Variants in RAB33B observed in about 807,000 individuals in gnomAD.
RAB33B encodes RAB33B, member RAS oncogene family, also known as ras-related protein Rab-33B.
In RAB33B, 6 loss-of-function variants were observed where a neutral mutation model predicts 15.0. That is an observed-to-expected ratio of 0.40 (90% CI 0.22 to 0.79). RAB33B has a LOEUF of 0.79. RAB33B is among the 30% of genes least tolerant of loss of function. RAB33B has a pLI of 0.37. For synonymous variants in RAB33B, 117 were observed against 108.3 expected, an observed-to-expected ratio of 1.08 and a Z score of -0.50; for missense variants, 257 against 296.4, an observed-to-expected ratio of 0.87 and a Z score of 0.98.
chr4:139,450,320 A>G (rs1749894331), upstream of RAB33B: 2 of 152,240 alleles, frequency 1.3e-5, no homozygotes, highest in Admixed American at 6.5e-5. Context: ...ACACAGTGAT[A>G]TAGTAATTTG....
At chr4:139,463,542 T>A (rs1271924290) in intron 1 of RAB33B, among the ~76,000 whole-genome samples, 10 of 152,250 alleles carry the variant, frequency 6.6e-5, no homozygotes, top group Non-Finnish European at 1.0e-4. Flanking sequence ...TTGGGAAAAA[T>A]TTCTCTGAAA....
At chr4:139,446,714 G>A in the RAB33B span, among the ~76,000 whole-genome samples, 29 of 152,298 alleles carry the variant, frequency 1.9e-4, no homozygotes, top group African/African-American at 5.1e-4. Context: ...CCCCAGTTAC[G>A]CCTGTCATTG....
upstream of RAB33B, chr4:139,453,569 GCCGATGCCACAT>G (rs1392994829): frequency 6.6e-6 from 1 of 152,414 alleles, no homozygotes; most frequent in African/African-American, 2.4e-5. Flanking sequence ...GGTGAGCGCA[GCCGATGCCACAT>G]CCTCAGCGGC....
At chr4:139,439,074 G>A in the RAB33B span, among the ~76,000 whole-genome samples, 181 of 152,136 alleles carry the variant, frequency 1.2e-3, no homozygotes, top group Non-Finnish European at 1.8e-3. Flanking sequence ...GGGCAGTGGC[G>A]CAATCTTAGC....
At chr4:139,472,534 C>G in intron 1 of RAB33B, 152 bp from the exon 2 acceptor site, 1 of 551,022 alleles carries the variant, frequency 1.8e-6, no homozygotes. Context: ...AAGTCTGGAT[C>G]CCATAGGTAA....
intron 1 of RAB33B, among the ~76,000 whole-genome samples, chr4:139,457,785 T>C (rs1042213085): frequency 6.6e-6 from 1 of 152,190 alleles, no homozygotes; most frequent in Non-Finnish European, 1.5e-5. Context: ...AGGGAAAATA[T>C]CAAGATTTCA....
chr4:139,453,057 T>C (rs770681957), upstream of RAB33B: 13 of 152,232 alleles, frequency 8.5e-5, no homozygotes, highest in African/African-American at 1.9e-4. Flanking sequence ...GTTTAATCTA[T>C]TGATATTTTC....
chr4:139,449,189 T>A (rs1379295224), upstream of RAB33B: 1 of 152,258 alleles, frequency 6.6e-6, no homozygotes, highest in African/African-American at 2.4e-5. Context: ...TAAGATTTAC[T>A]TCATATCAGC....
the RAB33B span, among the ~76,000 whole-genome samples, chr4:139,443,973 A>C: frequency 6.6e-6 from 1 of 152,166 alleles, no homozygotes; most frequent in African/African-American, 2.4e-5. Context: ...ACAAGACTAA[A>C]GTCCCGGCAG....
chr4:139,454,134 C>T lies in RAB33B; in HGVS notation c.-62C>T. On this transcript the variant is annotated 5_prime_UTR_variant, in exon 1 of 2. Transcript: ENST00000305626. ...GGCTGGGCGCGCGCTCTTGCGGTGGCGTAATCTCTCAGCCTTTCTGTGTCT... is the reference window on the plus strand; with the variant it reads ...GGCTGGGCGCGCGCTCTTGCGGTGGTGTAATCTCTCAGCCTTTCTGTGTCT... 3 of 1,531,894 alleles carry T rather than the reference C, an allele frequency of 2.0e-6. No individual in the cohort carries two copies. Among genetic ancestry groups the T allele is most frequent in the Non-Finnish European group, 2.6e-6 (3 of 1,139,238 alleles). 94.9% of individuals were successfully genotyped at this position (1,531,894 alleles called of 1,614,324 possible). A position where few individuals can be genotyped will look rare whatever the true frequency, so the allele number is the denominator to read the frequency against.
chr4:139,447,330 T>A, the RAB33B span, among the ~76,000 whole-genome samples: 2 of 152,172 alleles, frequency 1.3e-5, no homozygotes, highest in Non-Finnish European at 2.9e-5. Flanking sequence ...GTCCAATATA[T>A]GATACTATTT....
chr4:139,462,168 C>G (rs927035796), intron 1 of RAB33B, among the ~76,000 whole-genome samples: 1 of 151,612 alleles, frequency 6.6e-6, no homozygotes, highest in Non-Finnish European at 1.5e-5. Context: ...ATTCTCCTGC[C>G]TCAGCCTGCC....
chr4:139,467,308 C>CTTTTTTT lies in RAB33B; in HGVS notation c.250-5355_250-5349dup, dbSNP rs70943422. 2.7e-3 allele frequency among the ~76,000 whole-genome samples: 48 copies of CTTTTTTT among 17,622 alleles called. 5 individuals carry two copies. Among genetic ancestry groups the CTTTTTTT allele is most frequent in the African/African-American group, 4.9e-3 (43 of 8,858 alleles). The allele number at this position is 17,622 out of a possible 152,430, so 11.6% of individuals were successfully genotyped here. Reference sequence around the variant, plus strand: ...TCTTTCCCCACCACGCCCCCCGCCGCTTTTTTTTTTTTTTTTTTTTTTTTT... The same window carrying CTTTTTTT: ...TCTTTCCCCACCACGCCCCCCGCCGCTTTTTTTTTTTTTTTTTTTTTTTTTTTTTTTT... On this transcript the variant is annotated intron_variant, in intron 1 of 1. Coordinates refer to ENST00000305626, the MANE Select transcript of RAB33B (RefSeq NM_031296.3).
chr4:139,445,956 G>A, the RAB33B span, among the ~76,000 whole-genome samples: 3 of 152,128 alleles, frequency 2.0e-5, no homozygotes, highest in Admixed American at 6.5e-5. Context: ...GGGCTTTGGC[G>A]GAAACGGAAC....
chr4:139,459,319 C>G (rs575582910), intron 1 of RAB33B, among the ~76,000 whole-genome samples: 1 of 152,088 alleles, frequency 6.6e-6, no homozygotes, highest in African/African-American at 2.4e-5. Context: ...TACCTGCAGT[C>G]CCCGCTGCTC....
intron 1 of RAB33B, among the ~76,000 whole-genome samples, chr4:139,472,129 A>G (rs999560421): frequency 6.6e-6 from 1 of 152,184 alleles, no homozygotes; most frequent in Non-Finnish European, 1.5e-5. Context: ...TTTGACATCT[A>G]TAGTTTTAAG....
At position 139,473,902 on chromosome 4, in the gene RAB33B, CTTTTTTTTTTTT is replaced by C. The variant is rs10604111; in HGVS notation, c.*786_*797del. The C allele has an allele frequency of 7.1e-5, 8 of 112,806 alleles. No individual in the cohort carries two copies. Among genetic ancestry groups the C allele is most frequent in the Non-Finnish European group, 1.3e-4 (7 of 55,700 alleles). The allele number at this position is 112,806 out of a possible 1,614,324, so 7.0% of individuals were successfully genotyped here. ...AAGAGTTATTTGAGTTTCTTTCTTT[CTTTTTTTTTTTT>C]TTTTTTTTTGAGATGGAGTCTCGCT... On this transcript the variant is annotated 3_prime_UTR_variant, in exon 2 of 2. Transcript: ENST00000305626.
chr4:139,441,576 T>G, the RAB33B span, among the ~76,000 whole-genome samples: 1 of 152,326 alleles, frequency 6.6e-6, no homozygotes, highest in Middle Eastern at 3.4e-3. Context: ...TACAGATGGT[T>G]CCTTGATTTA....
upstream of RAB33B, chr4:139,452,385 CAA>C (rs1020339452): frequency 2.0e-5 from 3 of 152,154 alleles, no homozygotes; most frequent in African/African-American, 7.2e-5. Context: ...GTCCAGAATA[CAA>C]AAAACAGGGA....
Sources: gnomAD v4.1 joint callset for allele counts (sites outside exome capture counted in the v4.1 genomes callset) on GRCh38, gnomAD v4.1.1 for gene constraint, MANE v1.5 for transcripts, NCBI Gene and HGNC (gene_info 2026-07-23, HGNC 2026-07-21) for gene names.